LINGO2: variants seen among roughly 807,000 people sequenced by gnomAD.
LINGO2 encodes leucine-rich repeat and immunoglobulin-like domain-containing nogo receptor-interacting protein 2.
A neutral mutation model predicts 30.6 loss-of-function variants in LINGO2; 14 were observed. The observed-to-expected ratio is 0.46, with a 90% CI of 0.30 to 0.72. LINGO2 has a LOEUF of 0.72. Ranked by LOEUF, LINGO2 falls within the 30% of genes least tolerant of loss-of-function variation. The pLI, the probability that LINGO2 is intolerant of heterozygous loss-of-function variation, is 0.07. For missense variants in LINGO2, 729 were observed against 751.7 expected (o/e 0.97, Z 0.35); for synonymous variants, 317 against 288.5 (o/e 1.10, Z -1.00).
chr9:28,078,934 A>G (rs1825700433), intron 4 of LINGO2, among the ~76,000 whole-genome samples: 1 of 148,784 alleles, frequency 6.7e-6, no homozygotes, highest in South Asian at 2.1e-4. Flanking sequence ...GTAGAAAATA[A>G]TGAAGATAAA....
At chr9:28,009,028 G>A (rs960986903) in intron 5 of LINGO2, among the ~76,000 whole-genome samples, 3 of 152,230 alleles carry the variant, frequency 2.0e-5, no homozygotes, top group Admixed American at 2.0e-4. Flanking sequence ...TAAAGCAACA[G>A]TAATCAAAAC....
intron 1 of LINGO2, among the ~76,000 whole-genome samples, chr9:28,613,546 T>C (rs879305087): frequency 2.6e-5 from 4 of 152,052 alleles, no homozygotes; most frequent in African/African-American, 9.7e-5. Flanking sequence ...TGTAGAAATG[T>C]CAGGAGATTG....
chr9:29,120,116 T>C, the LINGO2 span, among the ~76,000 whole-genome samples: 8 of 152,190 alleles, frequency 5.3e-5, no homozygotes. Context: ...TCATGTATTT[T>C]GAAGGAGATT....
intron 5 of LINGO2, among the ~76,000 whole-genome samples, chr9:27,998,117 G>A (rs769397758): frequency 1.3e-4 from 20 of 152,152 alleles, no homozygotes; most frequent in Non-Finnish European, 2.4e-4. Context: ...GCCCTTGAAA[G>A]GTAAGGTCTG....
At chr9:28,562,606 G>A (rs985604711) in intron 1 of LINGO2, among the ~76,000 whole-genome samples, 2 of 151,912 alleles carry the variant, frequency 1.3e-5, no homozygotes, top group African/African-American at 4.8e-5. Flanking sequence ...TAGTGATGAG[G>A]ATATAAGGTT....
chr9:28,410,252 T>A (rs1822709396), intron 2 of LINGO2, among the ~76,000 whole-genome samples: 1 of 152,090 alleles, frequency 6.6e-6, no homozygotes, highest in Non-Finnish European at 1.5e-5. Context: ...TTCTCCATCT[T>A]ATTTTATAAT....
chr9:29,114,178 A>AT, the LINGO2 span, among the ~76,000 whole-genome samples: 25 of 150,334 alleles, frequency 1.7e-4, no homozygotes, highest in African/African-American at 3.2e-4. Context: ...AATAATATAT[A>AT]TATTTTTTTT....
chr9:27,968,143 G>A (rs992392518), intron 5 of LINGO2, among the ~76,000 whole-genome samples: 4 of 152,018 alleles, frequency 2.6e-5, no homozygotes, highest in African/African-American at 9.7e-5. Flanking sequence ...GGACAGAGAT[G>A]AGCAAATGCA....
chr9:28,627,743 T>G (rs577919130), intron 1 of LINGO2, among the ~76,000 whole-genome samples: 1 of 152,162 alleles, frequency 6.6e-6, no homozygotes, highest in African/African-American at 2.4e-5. Context: ...TTTTTCAAAA[T>G]TGTCTATAAT....
rs539964472 is a variant in LINGO2, at chr9:28,013,059, C to T, written c.-86-654G>A. Among the ~76,000 whole-genome samples the T allele has an allele frequency of 1.2e-4, 19 of 152,168 alleles. No individual in the cohort carries two copies. In the South Asian group the frequency reaches 2.1e-3, roughly 17 times the overall value. On this transcript the variant is annotated intron_variant, in intron 4 of 5. Transcript: ENST00000379992. ...TGGTCTAGGGTTAGCATGTTGAGAA[C>T]GAATGCTTTACACATTTTAAACCTG...
the LINGO2 span, among the ~76,000 whole-genome samples, chr9:28,904,741 T>A: frequency 6.6e-6 from 1 of 151,998 alleles, no homozygotes; most frequent in Non-Finnish European, 1.5e-5. Context: ...TGAGTAGAAA[T>A]AATTAATACT....
intron 2 of LINGO2, among the ~76,000 whole-genome samples, chr9:28,442,809 C>T (rs891039141): frequency 7.2e-5 from 11 of 152,066 alleles, no homozygotes; most frequent in African/African-American, 2.7e-4. Context: ...AAATTCATGG[C>T]CATTCATTAG....
chr9:28,317,616 G>C (rs753653659), intron 3 of LINGO2, among the ~76,000 whole-genome samples: 5 of 151,802 alleles, frequency 3.3e-5, no homozygotes, highest in African/African-American at 4.8e-5. Flanking sequence ...AATTTTAATG[G>C]ATTCATTATT....
At chr9:27,968,493 T>C (rs1384408083) in intron 5 of LINGO2, among the ~76,000 whole-genome samples, 1 of 151,984 alleles carries the variant, frequency 6.6e-6, no homozygotes, top group African/African-American at 2.4e-5. Context: ...AAAAATACCT[T>C]CATGCATAAA....
the LINGO2 span, among the ~76,000 whole-genome samples, chr9:28,786,817 A>G: frequency 1.3e-5 from 2 of 152,190 alleles, no homozygotes; most frequent in Non-Finnish European, 1.5e-5. Context: ...TCTAGAAGTA[A>G]TAGAAAAGGA....
At chr9:29,141,584 A>C in the LINGO2 span, among the ~76,000 whole-genome samples, 1 of 151,858 alleles carries the variant, frequency 6.6e-6, no homozygotes, top group East Asian at 1.9e-4. Flanking sequence ...TGATTTTAAA[A>C]TCCAATAAAA....
chr9:28,558,021 A>C lies in LINGO2; in HGVS notation c.-364-81996T>G, dbSNP rs376862231. Among the ~76,000 whole-genome samples, 14 of 147,186 alleles carry C rather than the reference A, an allele frequency of 9.5e-5. No homozygotes were observed. The South Asian group carries it at 3.2e-3, about 34-fold the overall frequency. On this transcript the variant is annotated intron_variant, in intron 1 of 5. Transcript: ENST00000379992. ...TGGGGTGGGGGGAGGGGGGAGGGAT[A>C]GCATTGGGAGATATACCTAATGCTA...
At chr9:28,761,055 T>A in the LINGO2 span, among the ~76,000 whole-genome samples, 42 of 151,844 alleles carry the variant, frequency 2.8e-4, no homozygotes, top group African/African-American at 9.2e-4. Flanking sequence ...TTGTGAATTG[T>A]GCTGCTATGA....
chr9:27,977,125 C>T (rs1037003243), intron 5 of LINGO2, among the ~76,000 whole-genome samples: 6 of 150,968 alleles, frequency 4.0e-5, no homozygotes, highest in Non-Finnish European at 7.4e-5. Context: ...TGGAAATAGA[C>T]TCTAGGCAAC....
Sources: gnomAD v4.1 joint callset for allele counts (sites outside exome capture counted in the v4.1 genomes callset) on GRCh38, gnomAD v4.1.1 for gene constraint, MANE v1.5 for transcripts, NCBI Gene and HGNC (gene_info 2026-07-23, HGNC 2026-07-21) for gene names.